The following PEX5L variants were observed in gnomAD, a reference collection of about 807,000 sequenced individuals.
PEX5L encodes the protein peroxisomal biogenesis factor 5 like.
PEX5L carries 30 observed loss-of-function variants against 84.0 expected under a neutral mutation model. The ratio of observed to expected loss-of-function variants is 0.36; its 90% CI spans 0.27 to 0.48. The LOEUF (loss-of-function observed/expected upper bound fraction) is 0.48. PEX5L is among the 20% of genes least tolerant of loss of function. The probability of loss-of-function intolerance (pLI) is 0.99; values close to 1 mark genes in which losing one functional copy is unlikely to be tolerated. For synonymous variants in PEX5L, 270 were observed against 283.1 expected, an observed-to-expected ratio of 0.95 and a Z score of 0.46; for missense variants, 533 against 754.6, an observed-to-expected ratio of 0.71 and a Z score of 3.44.
At chr3:180,010,318 G>A (rs965001160) in intron 1 of PEX5L, among the ~76,000 whole-genome samples, 2 of 143,276 alleles carry the variant, frequency 1.4e-5, no homozygotes, top group African/African-American at 5.5e-5. Flanking sequence ...TGAACTCCTG[G>A]GCTCAAGCCA....
intron 1 of PEX5L, among the ~76,000 whole-genome samples, chr3:180,034,537 T>G (rs1851352): frequency 6.6e-6 from 1 of 151,490 alleles, no homozygotes; most frequent in Non-Finnish European, 1.5e-5. Flanking sequence ...AACAAGTATA[T>G]TATGAATCAA....
At chr3:179,879,174 T>C (rs1247756972) in intron 5 of PEX5L, among the ~76,000 whole-genome samples, 1 of 151,384 alleles carries the variant, frequency 6.6e-6, no homozygotes, top group Non-Finnish European at 1.5e-5. Flanking sequence ...CATGTTCCTC[T>C]TGGCTTTCTA....
chr3:179,982,798 G>A (rs1786453060), intron 1 of PEX5L, among the ~76,000 whole-genome samples: 1 of 152,224 alleles, frequency 6.6e-6, no homozygotes, highest in Non-Finnish European at 1.5e-5. Context: ...CTGGGTAGGT[G>A]AGTGTGGGGA....
intron 14 of PEX5L, among the ~76,000 whole-genome samples, chr3:179,803,410 CAAT>C (rs2108681220): frequency 6.6e-6 from 1 of 152,236 alleles, no homozygotes; most frequent in African/African-American, 2.4e-5. Context: ...TTTAGGTTCT[CAAT>C]AATTATTAAA....
chr3:180,036,505 C>T, intron 1 of PEX5L, 74 bp downstream of exon 1: 1 of 1,421,874 alleles, frequency 7.0e-7, no homozygotes, highest in Non-Finnish European at 1.0e-6. Flanking sequence ...CACTTGACCA[C>T]AGAAACTTGG....
chr3:179,863,399 A>G (rs1257056052), intron 7 of PEX5L, among the ~76,000 whole-genome samples: 1 of 152,170 alleles, frequency 6.6e-6, no homozygotes, highest in Non-Finnish European at 1.5e-5. Context: ...CGACAAAGAA[A>G]CAACCCTCAG....
intron 2 of PEX5L, among the ~76,000 whole-genome samples, chr3:179,926,103 T>A (rs1434686695): frequency 6.6e-6 from 1 of 152,132 alleles, no homozygotes; most frequent in Non-Finnish European, 1.5e-5. Flanking sequence ...TTCTCTTTTT[T>A]CCTCACCTGC....
chr3:179,939,268 A>G (rs747053306), intron 2 of PEX5L, among the ~76,000 whole-genome samples: 2 of 152,034 alleles, frequency 1.3e-5, no homozygotes, highest in South Asian at 2.1e-4. Flanking sequence ...CTTATAAGAC[A>G]GTGTTGGTAA....
chr3:179,817,172 C>T (rs1726466567), intron 9 of PEX5L, among the ~76,000 whole-genome samples: 1 of 152,086 alleles, frequency 6.6e-6, no homozygotes, highest in South Asian at 2.1e-4. Context: ...GGCTATATTG[C>T]CCCTGTTGAG....
rs561768171 is a variant in PEX5L, at chr3:179,983,222, ATAC to A, written c.22-11560_22-11558del. ...TGACATGAACATGACTATAGTATAAATACTACTTTTTAATAAAAAATAAATTGC... is the reference window on the plus strand; with the variant it reads ...TGACATGAACATGACTATAGTATAAATACTTTTTAATAAAAAATAAATTGC... On this transcript the variant is annotated intron_variant, in intron 1 of 14. Coordinates refer to ENST00000467460, the MANE Select transcript of PEX5L (RefSeq NM_016559.3). Among the ~76,000 whole-genome samples the A allele has an allele frequency of 7.0e-3, 1,067 of 152,084 alleles. 5 individuals carry two copies. The highest frequency in any genetic ancestry group is 0.01 in the Non-Finnish European group (694 of 67,874).
chr3:179,972,358 A>G (rs914239059), intron 1 of PEX5L, among the ~76,000 whole-genome samples: 2 of 152,048 alleles, frequency 1.3e-5, no homozygotes, highest in East Asian at 3.8e-4. Flanking sequence ...CTCCATTGCA[A>G]AATCTATAAA....
chr3:179,891,083 G>C lies in PEX5L; in HGVS notation c.199-3299C>G, dbSNP rs115746716. Reference sequence around the variant, plus strand: ...GCATACAAATAAAGGGATACCAAAGGAGAGGCTATTCTGAGAGACTTCAGG... The same window carrying C: ...GCATACAAATAAAGGGATACCAAAGCAGAGGCTATTCTGAGAGACTTCAGG... On this transcript the variant is annotated intron_variant, in intron 3 of 14. Transcript: ENST00000467460. 3.9e-5 allele frequency among the ~76,000 whole-genome samples: 6 copies of C among 151,968 alleles called. No individual in the cohort carries two copies. In the South Asian group the frequency reaches 1.2e-3, roughly 32 times the overall value.
intron 2 of PEX5L, among the ~76,000 whole-genome samples, chr3:179,911,781 C>A (rs990840801): frequency 6.6e-6 from 1 of 152,154 alleles, no homozygotes; most frequent in Non-Finnish European, 1.5e-5. Flanking sequence ...CTAATGAATT[C>A]ACAGACTGTT....
chr3:180,024,893 T>C, intron 1 of PEX5L, among the ~76,000 whole-genome samples: 1 of 152,270 alleles, frequency 6.6e-6, no homozygotes, highest in South Asian at 2.1e-4. Flanking sequence ...GACAACCAGC[T>C]GAAGTGGTGA....
Position 180,036,932 on chromosome 3 carries a change from C to A in PEX5L, c.-333G>T. On this transcript the variant is annotated 5_prime_UTR_variant, in exon 1 of 15. Coordinates refer to ENST00000467460, the MANE Select transcript of PEX5L (RefSeq NM_016559.3). ...TCCTTCTTCGCCGAACTCTTTCTCG[C>A]TTCCTGCCAGGTTGCCTCATGTCTC... 1 of 358,584 alleles carries A rather than the reference C, an allele frequency of 2.8e-6. No individual in the cohort carries two copies. The highest frequency in any genetic ancestry group is 5.3e-6 in the Non-Finnish European group (1 of 188,000). 22.2% of individuals were successfully genotyped at this position (358,584 alleles called of 1,614,324 possible).
At chr3:179,889,105 G>C (rs1756835037) in intron 3 of PEX5L, among the ~76,000 whole-genome samples, 1 of 152,056 alleles carries the variant, frequency 6.6e-6, no homozygotes, top group Non-Finnish European at 1.5e-5. Context: ...GAACTTATTT[G>C]TTAAGTTGCA....
intron 1 of PEX5L, among the ~76,000 whole-genome samples, chr3:180,031,930 AAC>A (rs757653441): frequency 7.7e-6 from 1 of 129,532 alleles, no homozygotes; most frequent in African/African-American, 4.0e-5. Flanking sequence ...TTTACTTTCA[AAC>A]ACATGTTTTT....
Position 179,834,060 on chromosome 3 carries a change from G to C in PEX5L, c.823-14084C>G, listed in dbSNP as rs563071525. ...TCCATATGTTGCCCAGATTGGTCTAGAACTCCTGGGCTCAAGCGATCCTCT... is the reference window on the plus strand; with the variant it reads ...TCCATATGTTGCCCAGATTGGTCTACAACTCCTGGGCTCAAGCGATCCTCT... On this transcript the variant is annotated intron_variant, in intron 8 of 14. Transcript: ENST00000467460. Among the ~76,000 whole-genome samples the C allele has an allele frequency of 1.2e-3, 176 of 152,080 alleles. 2 individuals are homozygous for C. Among genetic ancestry groups the C allele is most frequent in the African/African-American group, 4.1e-3 (170 of 41,498 alleles).
At chr3:179,919,647 C>A (rs1446170391) in intron 2 of PEX5L, among the ~76,000 whole-genome samples, 2 of 152,144 alleles carry the variant, frequency 1.3e-5, no homozygotes, top group Non-Finnish European at 2.9e-5. Flanking sequence ...GCAGGCACTT[C>A]CACACTCAAC....
Sources: gnomAD v4.1 joint callset for allele counts (sites outside exome capture counted in the v4.1 genomes callset) on GRCh38, gnomAD v4.1.1 for gene constraint, MANE v1.5 for transcripts, NCBI Gene and HGNC (gene_info 2026-07-23, HGNC 2026-07-21) for gene names.